The following CDH18 variants were observed in gnomAD, a reference collection of about 807,000 sequenced individuals.
CDH18 encodes the protein cadherin 18.
Under a neutral mutation model 67.9 loss-of-function variants are expected in CDH18, and 31 were observed. The observed-to-expected ratio is 0.46, with a 90% CI of 0.34 to 0.62. The LOEUF is 0.62. Among genes scored for constraint, CDH18 ranks in the 20% least tolerant of loss-of-function variants. The pLI, the probability that CDH18 is intolerant of heterozygous loss-of-function variation, is 0.01. For synonymous variants in CDH18, 362 were observed against 347.2 expected (o/e 1.04, Z -0.48); for missense variants, 890 against 975.5 (o/e 0.91, Z 1.17).
chr5:19,534,414 T>C (rs1749107923), intron 9 of CDH18, among the ~76,000 whole-genome samples: 1 of 152,138 alleles, frequency 6.6e-6, no homozygotes, highest in African/African-American at 2.4e-5. Context: ...CTTATTACCA[T>C]GTTACAAGTT....
chr5:19,975,903 C>T (rs537275869), intron 2 of CDH18, among the ~76,000 whole-genome samples: 4 of 152,146 alleles, frequency 2.6e-5, no homozygotes, highest in Non-Finnish European at 5.9e-5. Flanking sequence ...TACCTTTTTG[C>T]ATACACATTA....
chr5:20,486,698 T>TATATATATATATATATAC (rs1241021314), intron 1 of CDH18, among the ~76,000 whole-genome samples: 17 of 150,426 alleles, frequency 1.1e-4, no homozygotes, highest in South Asian at 2.1e-4. Context: ...TATATATATA[T>TATATATATATATATATAC]ACATATATGT....
chr5:19,494,859 C>T (rs75305812), intron 11 of CDH18, among the ~76,000 whole-genome samples: 10,355 of 152,176 alleles, frequency 0.068, 462 homozygotes, highest in Middle Eastern at 0.16. Context: ...ATTTAGCTGT[C>T]CATGTTATCC....
intron 2 of CDH18, among the ~76,000 whole-genome samples, chr5:19,863,901 G>T (rs760074945): frequency 8.5e-5 from 13 of 152,088 alleles, no homozygotes; most frequent in Non-Finnish European, 1.9e-4. Context: ...TCGATGTGGA[G>T]AAATAGGAAC....
At chr5:20,407,339 A>T (rs1001742544) in intron 1 of CDH18, among the ~76,000 whole-genome samples, 1 of 152,144 alleles carries the variant, frequency 6.6e-6, no homozygotes, top group African/African-American at 2.4e-5. Context: ...CCTAGGGGCC[A>T]CTAAGAAAAA....
intron 1 of CDH18, among the ~76,000 whole-genome samples, chr5:20,335,371 T>C (rs1191055990): frequency 2.0e-5 from 3 of 152,192 alleles, no homozygotes; most frequent in Non-Finnish European, 4.4e-5. Context: ...AGACTTTTTC[T>C]TTTATCTCAA....
At chr5:19,964,029 G>C (rs1375305646) in intron 2 of CDH18, among the ~76,000 whole-genome samples, 1 of 151,976 alleles carries the variant, frequency 6.6e-6, no homozygotes, top group African/African-American at 2.4e-5. Context: ...AACATGTGGG[G>C]ATTACATGGG....
At chr5:20,372,443 T>C (rs1348909627) in intron 1 of CDH18, among the ~76,000 whole-genome samples, 1 of 152,166 alleles carries the variant, frequency 6.6e-6, no homozygotes, top group Non-Finnish European at 1.5e-5. Context: ...GATCTTATCC[T>C]TTCTATTTCA....
At position 19,854,250 on chromosome 5, in the gene CDH18, G is replaced by T. The variant is rs185872224; in HGVS notation, c.-256-15008C>A. On this transcript the variant is annotated intron_variant, in intron 2 of 12. Coordinates refer to ENST00000382275, the MANE Select transcript of CDH18 (RefSeq NM_004934.5). ...TCAACAGATTATAAAAAATCTAAAGGTCTGATATCTGATTTGGCAAGACTG... is the reference window on the plus strand; with the variant it reads ...TCAACAGATTATAAAAAATCTAAAGTTCTGATATCTGATTTGGCAAGACTG... Among the ~76,000 whole-genome samples the T allele has an allele frequency of 5.1e-3, 780 of 152,134 alleles. 2 individuals are homozygous for T. The highest frequency in any genetic ancestry group is 7.9e-3 in the Non-Finnish European group (535 of 67,990).
intron 1 of CDH18, among the ~76,000 whole-genome samples, chr5:20,476,121 A>G (rs917864488): frequency 1.3e-5 from 2 of 152,170 alleles, no homozygotes; most frequent in African/African-American, 4.8e-5. Flanking sequence ...TAAACACCAA[A>G]TCTCAAATTC....
intron 2 of CDH18, among the ~76,000 whole-genome samples, chr5:20,095,379 GAAAA>G (rs1475617163): frequency 5.6e-5 from 6 of 106,434 alleles, no homozygotes; most frequent in African/African-American, 2.1e-4. Context: ...AAGAAAGAAA[GAAAA>G]GAGAAACAGA....
At chr5:19,718,468 T>G (rs1765612846) in intron 5 of CDH18, among the ~76,000 whole-genome samples, 1 of 151,992 alleles carries the variant, frequency 6.6e-6, no homozygotes, top group South Asian at 2.1e-4. Context: ...TCCATTCACT[T>G]TTCTGCACAA....
Position 20,373,757 on chromosome 5 carries a change from G to A in CDH18, c.-579-118252C>T, listed in dbSNP as rs544248160. ...CAATAAATTAATCATAAGTGAATGA[G>A]TAAATATAGACATTTAAGGCTAACA... On this transcript the variant is annotated intron_variant, in intron 1 of 14. Coordinates refer to the CDH18 transcript ENST00000507958. 3.9e-5 allele frequency among the ~76,000 whole-genome samples: 6 copies of A among 152,036 alleles called. No homozygotes were observed. In the East Asian group the frequency reaches 1.2e-3, roughly 29 times the overall value.
chr5:19,796,570 G>A, intron 3 of CDH18, among the ~76,000 whole-genome samples: 1 of 152,024 alleles, frequency 6.6e-6, no homozygotes, highest in Non-Finnish European at 1.5e-5. Context: ...CTTATTGGTT[G>A]GCTAAAGGGA....
At chr5:19,499,379 A>T (rs2126731841) in intron 11 of CDH18, among the ~76,000 whole-genome samples, 1 of 152,218 alleles carries the variant, frequency 6.6e-6, no homozygotes, top group Non-Finnish European at 1.5e-5. Context: ...GTTGTTCAAT[A>T]GCTATAATTG....
intron 6 of CDH18, among the ~76,000 whole-genome samples, chr5:19,611,086 C>T (rs1441908204): frequency 6.6e-6 from 1 of 152,086 alleles, no homozygotes; most frequent in Non-Finnish European, 1.5e-5. Context: ...TTATCAAATG[C>T]TGGGCCCTCA....
At chr5:20,291,267 T>C (rs1747084260) in intron 1 of CDH18, among the ~76,000 whole-genome samples, 1 of 152,134 alleles carries the variant, frequency 6.6e-6, no homozygotes. Context: ...AAATAGATGA[T>C]AGTTGATCCC....
At chr5:19,877,385 T>A (rs187483351) in intron 2 of CDH18, among the ~76,000 whole-genome samples, 90 of 152,224 alleles carry the variant, frequency 5.9e-4, no homozygotes, top group Non-Finnish European at 1.0e-4. Flanking sequence ...ATTTGGGGAT[T>A]TTTTTCCTAA....
chr5:19,670,905 A>G (rs199525003), intron 5 of CDH18, among the ~76,000 whole-genome samples: 1 of 152,194 alleles, frequency 6.6e-6, no homozygotes, highest in East Asian at 1.9e-4. Flanking sequence ...GGAAAAGTCT[A>G]GAAGAATGTC....
Sources: gnomAD v4.1 joint callset for allele counts (sites outside exome capture counted in the v4.1 genomes callset) on GRCh38, gnomAD v4.1.1 for gene constraint, MANE v1.5 for transcripts, NCBI Gene and HGNC (gene_info 2026-07-23, HGNC 2026-07-21) for gene names.